The following ZC3H12B variants were observed in gnomAD, a reference collection of about 807,000 sequenced individuals.
The protein encoded by ZC3H12B is zinc finger CCCH-type containing 12B.
A neutral mutation model predicts 43.9 loss-of-function variants in ZC3H12B; 7 were observed. The observed-to-expected ratio is 0.16, with a 90% CI of 0.09 to 0.30. The LOEUF (loss-of-function observed/expected upper bound fraction) is 0.30, where lower values mean the gene tolerates loss of function less well. ZC3H12B is among the 10% of genes least tolerant of loss of function. ZC3H12B has a pLI of 1.00. For missense variants in ZC3H12B, 475 were observed against 670.2 expected, an observed-to-expected ratio of 0.71 and a Z score of 3.22; for synonymous variants, 222 against 241.7, an observed-to-expected ratio of 0.92 and a Z score of 0.76.
chrX:65,347,472 G>A, the ZC3H12B span, among the ~76,000 whole-genome samples: 1 of 111,980 alleles, frequency 8.9e-6, no homozygotes, highest in Non-Finnish European at 1.9e-5. Context: ...GCAGGCAACA[G>A]ACACATGAAA....
the ZC3H12B span, among the ~76,000 whole-genome samples, chrX:65,289,020 A>G: frequency 9.0e-6 from 1 of 111,235 alleles, no homozygotes; most frequent in Admixed American, 9.6e-5. Context: ...AATACTTAAG[A>G]ATAAATTTAA....
chrX:65,285,709 T>C, the ZC3H12B span, among the ~76,000 whole-genome samples: 1 of 110,891 alleles, frequency 9.0e-6, no homozygotes, highest in South Asian at 3.8e-4. Context: ...TTCAAGGGAG[T>C]CTTAAACCTA....
At chrX:65,311,033 C>T in the ZC3H12B span, among the ~76,000 whole-genome samples, 1 of 111,815 alleles carries the variant, frequency 8.9e-6, no homozygotes, top group South Asian at 3.7e-4. Flanking sequence ...GACCTAAAAC[C>T]GTAAAAACTC....
At chrX:65,317,567 A>T in the ZC3H12B span, among the ~76,000 whole-genome samples, 4 of 108,986 alleles carry the variant, frequency 3.7e-5, no homozygotes, top group Non-Finnish European at 7.6e-5. Flanking sequence ...AGTCCATTGT[A>T]TTATTCTTAT....
the ZC3H12B span, among the ~76,000 whole-genome samples, chrX:65,055,621 T>A: frequency 6.6e-4 from 74 of 112,168 alleles, no homozygotes; most frequent in African/African-American, 2.4e-3. Flanking sequence ...TAGGGAAGAT[T>A]TCCTCTTTTT....
intron 3 of ZC3H12B, among the ~76,000 whole-genome samples, chrX:65,424,150 A>C (rs1291538717): frequency 8.9e-6 from 1 of 111,922 alleles, no homozygotes; most frequent in African/African-American, 3.2e-5. Context: ...TGTTTTAATA[A>C]CAGCCATTCT....
chrX:65,264,028 G>A, the ZC3H12B span, among the ~76,000 whole-genome samples: 1 of 111,291 alleles, frequency 9.0e-6, no homozygotes, highest in Non-Finnish European at 1.9e-5. Flanking sequence ...AAGGGAGCTG[G>A]GAGGCCATTA....
At chrX:65,308,132 G>A in the ZC3H12B span, among the ~76,000 whole-genome samples, 1 of 110,826 alleles carries the variant, frequency 9.0e-6, no homozygotes, top group South Asian at 3.7e-4. Flanking sequence ...CCATATGATA[G>A]GCCACAAAAC....
upstream of ZC3H12B, among the ~76,000 whole-genome samples, chrX:65,487,934 C>T (rs1021572272): frequency 2.7e-5 from 3 of 111,661 alleles, no homozygotes; most frequent in Admixed American, 9.5e-5. Context: ...TGCAGTGGCG[C>T]GATCTTGGCT....
intron 3 of ZC3H12B, among the ~76,000 whole-genome samples, chrX:65,410,753 A>G (rs770865724): frequency 7.1e-5 from 8 of 112,331 alleles, no homozygotes; most frequent in Admixed American, 9.4e-5. Context: ...TCAAAGTACA[A>G]TAAGATATCA....
chrX:65,094,619 A>G, the ZC3H12B span, among the ~76,000 whole-genome samples: 1 of 112,317 alleles, frequency 8.9e-6, no homozygotes, highest in Non-Finnish European at 1.9e-5. Context: ...CTGAGCACAA[A>G]TTATGGCAGT....
the ZC3H12B span, among the ~76,000 whole-genome samples, chrX:65,240,004 C>A: frequency 1.8e-5 from 2 of 111,541 alleles, no homozygotes; most frequent in Non-Finnish European, 3.8e-5. Context: ...CTTCCCTTAA[C>A]ATCCTCTATT....
intron 2 of ZC3H12B, among the ~76,000 whole-genome samples, chrX:65,380,907 T>A (rs1389478860): frequency 1.8e-5 from 2 of 111,732 alleles, no homozygotes; most frequent in African/African-American, 3.3e-5. Flanking sequence ...GAGCTAACTA[T>A]CCTAAATATA....
At chrX:65,142,881 A>G in the ZC3H12B span, among the ~76,000 whole-genome samples, 3 of 112,424 alleles carry the variant, frequency 2.7e-5, no homozygotes, top group Non-Finnish European at 5.6e-5. Flanking sequence ...TACCAGTACC[A>G]TACTGTTTTG....
chrX:65,394,290 G>C (rs1332437991), intron 2 of ZC3H12B, among the ~76,000 whole-genome samples: 4 of 111,870 alleles, frequency 3.6e-5, no homozygotes, highest in Non-Finnish European at 7.5e-5. Context: ...CCTATGTCTT[G>C]AATGGTATTG....
chrX:65,475,618 G>T (rs1282636156), intron 3 of ZC3H12B, among the ~76,000 whole-genome samples: 1 of 111,435 alleles, frequency 9.0e-6, no homozygotes, highest in African/African-American at 3.3e-5. Context: ...CTATTCTCAG[G>T]CTGTTAATAA....
chrX:65,143,323 G>C, the ZC3H12B span, among the ~76,000 whole-genome samples: 1 of 111,137 alleles, frequency 9.0e-6, no homozygotes, highest in Non-Finnish European at 1.9e-5. Flanking sequence ...GATCTTGGCT[G>C]TGGATTTGTC....
At chrX:65,333,000 C>A in the ZC3H12B span, among the ~76,000 whole-genome samples, 4 of 111,531 alleles carry the variant, frequency 3.6e-5, no homozygotes, top group Non-Finnish European at 7.5e-5. Context: ...CATAAGGAAT[C>A]TCAGATATGA....
At chrX:65,148,036 T>A in the ZC3H12B span, among the ~76,000 whole-genome samples, 2 of 110,069 alleles carry the variant, frequency 1.8e-5, no homozygotes, top group African/African-American at 6.6e-5. Flanking sequence ...CACTGGGGTC[T>A]AATGGGATGA....
Sources: allele counts gnomAD v4.1 joint callset (sites outside exome capture counted in the v4.1 genomes callset), GRCh38; gene constraint gnomAD v4.1.1; transcripts MANE v1.5; gene names NCBI Gene and HGNC (gene_info 2026-07-23, HGNC 2026-07-21).